Variants in CAMKK2 observed in about 807,000 individuals in gnomAD.
CAMKK2 encodes the protein calcium/calmodulin dependent protein kinase kinase 2, also known as calcium/calmodulin-dependent protein kinase kinase 2.
Under a neutral mutation model 67.2 loss-of-function variants are expected in CAMKK2, and 30 were observed. The ratio of observed to expected loss-of-function variants is 0.45; its 90% confidence interval spans 0.33 to 0.61. The LOEUF is 0.61. Ranked by LOEUF, CAMKK2 falls within the 20% of genes least tolerant of loss-of-function variation. The probability of loss-of-function intolerance (pLI) is 0.02; values close to 1 mark genes in which losing one functional copy is unlikely to be tolerated. For synonymous variants in CAMKK2, 322 were observed against 326.2 expected (o/e 0.99, Z 0.14); for missense variants, 643 against 802.0 (o/e 0.80, Z 2.39).
At position 121,255,610 on chromosome 12, in the gene CAMKK2, G is replaced by T; in HGVS notation, c.847C>A (p.Pro283Thr). The T allele has an allele frequency of 6.2e-7, 1 of 1,612,978 alleles. No individual in the cohort carries two copies. Among genetic ancestry groups the T allele is most frequent in the Non-Finnish European group, 8.5e-7 (1 of 1,179,774 alleles). Residue 283 changes from proline (P) to threonine (T), a missense_variant, in exon 9 of 17, where the codon CCA becomes ACA. Around this residue, in one of 3 missense-constraint regions of CAMKK2, gnomAD observed 483 missense variants for 625.8 expected, o/e 0.77. Coordinates refer to ENST00000404169, the MANE Select transcript of CAMKK2 (RefSeq NM_001270485.2). ...AAACGGGCCTGGTCTTCAGAGAGTG[G>T]TTTGAGGGTGGGCACTTCCATCACG... ...GPVMEVPTLK[P>T]LSEDQARFYF...
chr12:121,248,777 C>T, intron 13 of CAMKK2, 43 bp from the exon 14 acceptor site: 6 of 1,611,122 alleles, frequency 3.7e-6, no homozygotes, highest in Non-Finnish European at 5.1e-6. Flanking sequence ...GTGTGGCTGG[C>T]TACCGGGGGG....
At chr12:121,248,380 A>G (rs940436684) in intron 14 of CAMKK2, among the ~76,000 whole-genome samples, 1 of 152,226 alleles carries the variant, frequency 6.6e-6, no homozygotes, top group African/African-American at 2.4e-5. Context: ...CAGGAATTCC[A>G]GAAGGATAAT....
chr12:121,271,190 G>A (rs537926780), intron 2 of CAMKK2, among the ~76,000 whole-genome samples: 15 of 151,216 alleles, frequency 9.9e-5, no homozygotes, highest in Non-Finnish European at 2.1e-4. Flanking sequence ...CACGAGAATC[G>A]CGTGAGCCCA....
rs1445291735 is a variant in CAMKK2 at position 121,238,941 on chromosome 12, T to A, written c.*1758A>T. The A allele has an allele frequency of 6.6e-6, 1 of 152,630 alleles. No individual in the cohort carries two copies. Among genetic ancestry groups the A allele is most frequent in the East Asian group, 1.9e-4 (1 of 5,190 alleles). 9.5% of individuals were successfully genotyped at this position (152,630 alleles called of 1,614,324 possible). A position where few individuals can be genotyped will look rare whatever the true frequency, so the allele number is the denominator to read the frequency against. On this transcript the variant is annotated 3_prime_UTR_variant, in exon 17 of 17. Coordinates refer to ENST00000404169, the MANE Select transcript of CAMKK2 (RefSeq NM_001270485.2). ...CAGGAGGGCAAGAGGAAGTGCTGGG[T>A]TACAAAGACCCAGCAAGCAGGCCAG...
At chr12:121,284,465 A>G (rs1898354721) in intron 1 of CAMKK2, among the ~76,000 whole-genome samples, 1 of 152,088 alleles carries the variant, frequency 6.6e-6, no homozygotes, top group Non-Finnish European at 1.5e-5. Context: ...GCTGGGGATT[A>G]CAGGCACGCC....
At chr12:121,246,019 G>A (rs1889372048) in intron 14 of CAMKK2, among the ~76,000 whole-genome samples, 3 of 152,222 alleles carry the variant, frequency 2.0e-5, no homozygotes, top group South Asian at 4.1e-4. Context: ...GCCTCAGAGT[G>A]TAGGATTCCA....
chr12:121,271,273 C>CAAAA (rs11332649), intron 2 of CAMKK2, among the ~76,000 whole-genome samples: 5 of 112,946 alleles, frequency 4.4e-5, no homozygotes, highest in African/African-American at 1.7e-4. Context: ...AACTGTGTCT[C>CAAAA]AAAAAAAAAA....
upstream of CAMKK2, among the ~76,000 whole-genome samples, chr12:121,296,913 G>T (rs1436613948): frequency 6.6e-6 from 1 of 151,388 alleles, no homozygotes; most frequent in East Asian, 1.9e-4. This position sits in a 1 kb window ranked among gnomAD's most constrained non-coding sequence, Gnocchi z 7.1. Context: ...GCCCTGCGCC[G>T]GGGAGGGGTG....
intron 5 of CAMKK2, among the ~76,000 whole-genome samples, chr12:121,264,603 T>C (rs919512231): frequency 1.3e-5 from 2 of 151,972 alleles, no homozygotes; most frequent in Non-Finnish European, 2.9e-5. Context: ...TGAAACACTG[T>C]CTCGACTAAA....
At chr12:121,243,956 T>G in intron 16 of CAMKK2, 1 of 1,455,460 alleles carries the variant, frequency 6.9e-7, no homozygotes, top group South Asian at 1.4e-5. Context: ...CCCAGCAGGT[T>G]CTCCCAGTCT....
upstream of CAMKK2, chr12:121,297,628 C>T (rs757199491): frequency 7.2e-5 from 37 of 517,144 alleles, no homozygotes; most frequent in Admixed American, 7.2e-4. Context: ...GGAGGGCTCC[C>T]TGAACCGTCC....
rs78508273 is a variant in CAMKK2, at chr12:121,255,749, T to C, written c.818+34A>G. The C allele has an allele frequency of 2.0e-3, 3,294 of 1,612,718 alleles. 70 individuals carry two copies. In the African/African-American group the frequency reaches 0.038, roughly 18 times the overall value. ...TCAGCTATGCAGCTACAGAAGCTTCTTGCATCACCCCTGCTGGGAGCTGGG... is the reference window on the plus strand; with the variant it reads ...TCAGCTATGCAGCTACAGAAGCTTCCTGCATCACCCCTGCTGGGAGCTGGG... On this transcript the variant is annotated intron_variant, in intron 8 of 16. Transcript: ENST00000404169.
intron 7 of CAMKK2, among the ~76,000 whole-genome samples, chr12:121,259,608 C>T (rs937423982): frequency 3.9e-5 from 6 of 152,114 alleles, no homozygotes; most frequent in African/African-American, 1.4e-4. Context: ...TCTGGCCATA[C>T]CTATATGCCA....
At chr12:121,241,537 T>A (rs1319887534) in intron 16 of CAMKK2, among the ~76,000 whole-genome samples, 1 of 152,190 alleles carries the variant, frequency 6.6e-6, no homozygotes, top group Non-Finnish European at 1.5e-5. Flanking sequence ...TGTGACAGCG[T>A]GGATGGCGTG....
rs75301243 is a variant in CAMKK2, at chr12:121,249,761, C to T, written c.1323+26G>A. 1,996 of 1,602,556 alleles carry T rather than the reference C, an allele frequency of 1.2e-3. 24 individuals are homozygous for T. The African/African-American group carries it at 0.021, about 17-fold the overall frequency. On this transcript the variant is annotated intron_variant, in intron 13 of 16. Coordinates refer to ENST00000404169, the MANE Select transcript of CAMKK2 (RefSeq NM_001270485.2). The stretch of plus-strand genomic sequence containing the variant: ...TGGCTGAGCCAAACAATTCCGAGCA[C>T]GGGGCACAGGCTGAGCCAAGGGTAC...
chr12:121,274,226 G>T lies in CAMKK2; in HGVS notation c.301C>A (p.Leu101Met). ...RPHLSGRKLS[L>M]QERSQGGLAA... ...AGCCCACCCTGGGACCGCTCTTGCA[G>T]AGACAGCTTGCGACCGGAGAGGTGG... Residue 101 changes from leucine to methionine, a missense_variant, in exon 2 of 17, where the codon CTG becomes ATG. Physicochemically the swap from Leu to Met is conservative, Grantham distance 15. Coordinates refer to ENST00000404169, the MANE Select transcript of CAMKK2 (RefSeq NM_001270485.2). The T allele has an allele frequency of 1.9e-6, 3 of 1,609,328 alleles. No individual in the cohort carries two copies. The highest frequency in any genetic ancestry group is 2.5e-6 in the Non-Finnish European group (3 of 1,177,044).
rs781250016 is a variant in CAMKK2, at chr12:121,274,497, G to A, written c.30C>T (p.Ser10=). Residue 10 remains serine, a synonymous_variant, in exon 2 of 17, where the codon AGC becomes AGT. Coordinates refer to ENST00000404169, the MANE Select transcript of CAMKK2 (RefSeq NM_001270485.2). ...CATCCTGGGGGGCGGCCCGGTTGCT[G>A]CTGGGCTGGCTAGAGACACATGATG... The part of the protein sequence containing the change: MSSCVSSQP[S]SNRAAPQDEL... 2 of 1,612,036 alleles carry A rather than the reference G, an allele frequency of 1.2e-6. No individual in the cohort carries two copies. Among genetic ancestry groups the A allele is most frequent in the East Asian group, 4.5e-5 (2 of 44,874 alleles).
chr12:121,257,013 T>C lies in CAMKK2; in HGVS notation c.797-1209A>G, dbSNP rs1172339727. Reference sequence around the variant, plus strand: ...TAAATTGGAATACAAGGCTGTACTTTAGGAAGTTAAAAAAAAAAAGAGCAC... The same window carrying C: ...TAAATTGGAATACAAGGCTGTACTTCAGGAAGTTAAAAAAAAAAAGAGCAC... On this transcript the variant is annotated intron_variant, in intron 7 of 16. Transcript: ENST00000404169. Among the ~76,000 whole-genome samples the C allele has an allele frequency of 8.6e-5, 6 of 69,614 alleles. 1 individual carries two copies. Among genetic ancestry groups the C allele is most frequent in the Non-Finnish European group, 1.1e-4 (4 of 35,218 alleles). The allele number at this position is 69,614 out of a possible 152,430, so 45.7% of individuals were successfully genotyped here.
intron 2 of CAMKK2, among the ~76,000 whole-genome samples, chr12:121,272,893 G>A (rs932635995): frequency 1.3e-5 from 2 of 151,630 alleles, no homozygotes; most frequent in Non-Finnish European, 2.9e-5. Flanking sequence ...ACAAAAAAAA[G>A]CCCCTTTAGA....
Sources: allele counts gnomAD v4.1 joint callset (sites outside exome capture counted in the v4.1 genomes callset), GRCh38; gene constraint gnomAD v4.1.1; regional missense constraint gnomAD v4.1.1; non-coding constraint Gnocchi (gnomAD v3.1); transcripts MANE v1.5; gene names NCBI Gene and HGNC (gene_info 2026-07-23, HGNC 2026-07-21).